The following HS6ST3 variants were observed in gnomAD, a reference collection of about 807,000 sequenced individuals.
HS6ST3 encodes heparan sulfate 6-O-sulfotransferase 3.
Under a neutral mutation model 36.7 loss-of-function variants are expected in HS6ST3, and 12 were observed. The ratio of observed to expected loss-of-function variants is 0.33; its 90% CI spans 0.21 to 0.53. The LOEUF (loss-of-function observed/expected upper bound fraction) is 0.53, where lower values mean the gene tolerates loss of function less well. HS6ST3 is among the 20% of genes least tolerant of loss of function. The probability of loss-of-function intolerance (pLI) is 0.95; values close to 1 mark genes in which losing one functional copy is unlikely to be tolerated. For missense variants in HS6ST3, 584 were observed against 640.9 expected, an observed-to-expected ratio of 0.91 and a Z score of 0.96; for synonymous variants, 240 against 257.5, an observed-to-expected ratio of 0.93 and a Z score of 0.65.
chr13:96,801,744 C>T (rs1254359190), intron 1 of HS6ST3, among the ~76,000 whole-genome samples: 1 of 151,998 alleles, frequency 6.6e-6, no homozygotes, highest in African/African-American at 2.4e-5. Context: ...CATAAACGTG[C>T]AATCTTATAT....
intron 1 of HS6ST3, among the ~76,000 whole-genome samples, chr13:96,326,642 G>A (rs531727445): frequency 6.6e-6 from 1 of 152,190 alleles, no homozygotes; most frequent in East Asian, 1.9e-4. Context: ...AAACATCCGT[G>A]TGCATGTGTC....
At chr13:96,287,337 A>G (rs2054808691) in intron 1 of HS6ST3, among the ~76,000 whole-genome samples, 1 of 152,160 alleles carries the variant, frequency 6.6e-6, no homozygotes, top group Admixed American at 6.6e-5. Flanking sequence ...AAAATCTTAT[A>G]TAATGCCTTA....
At chr13:96,366,081 A>G (rs900626117) in intron 1 of HS6ST3, among the ~76,000 whole-genome samples, 3 of 152,224 alleles carry the variant, frequency 2.0e-5, no homozygotes, top group Non-Finnish European at 2.9e-5. Flanking sequence ...GGAGGTGACT[A>G]AAGGATTAGA....
At chr13:96,512,860 C>G (rs185234229) in intron 1 of HS6ST3, among the ~76,000 whole-genome samples, 1 of 151,118 alleles carries the variant, frequency 6.6e-6, no homozygotes, top group African/African-American at 2.4e-5. Context: ...TCTCTCTTTT[C>G]TGATCTTTAA....
intron 1 of HS6ST3, among the ~76,000 whole-genome samples, chr13:96,653,833 A>C (rs1208100257): frequency 6.6e-6 from 1 of 152,198 alleles, no homozygotes; most frequent in Non-Finnish European, 1.5e-5. Context: ...CAACAGTGTA[A>C]AAGCGTTCTT....
chr13:96,711,471 T>C (rs550051966), intron 1 of HS6ST3, among the ~76,000 whole-genome samples: 1 of 152,332 alleles, frequency 6.6e-6, no homozygotes, highest in Admixed American at 6.5e-5. Flanking sequence ...TTGGGAAATA[T>C]ATAAATTTAC....
intron 1 of HS6ST3, among the ~76,000 whole-genome samples, chr13:96,757,601 C>T (rs565830661): frequency 4.6e-5 from 7 of 152,122 alleles, no homozygotes; most frequent in Admixed American, 1.3e-4. Context: ...ATGCTGGTAA[C>T]GGTAAGGTTT....
intron 1 of HS6ST3, among the ~76,000 whole-genome samples, chr13:96,721,518 A>C (rs1356739069): frequency 2.6e-5 from 4 of 152,202 alleles, no homozygotes; most frequent in Non-Finnish European, 5.9e-5. Flanking sequence ...GACTTTACTG[A>C]GCTAATGTCA....
chr13:96,741,026 A>G (rs548442075), intron 1 of HS6ST3, among the ~76,000 whole-genome samples: 5 of 152,312 alleles, frequency 3.3e-5, no homozygotes, highest in Non-Finnish European at 7.4e-5. Flanking sequence ...TTCCACTTCA[A>G]CTGAAATATA....
intron 1 of HS6ST3, among the ~76,000 whole-genome samples, chr13:96,165,862 G>A (rs2054157610): frequency 1.3e-5 from 2 of 152,066 alleles, no homozygotes; most frequent in South Asian, 4.1e-4. Context: ...ACTAAGTTAT[G>A]GCAGGGTACG....
At chr13:96,318,134 T>A (rs2139413258) in intron 1 of HS6ST3, among the ~76,000 whole-genome samples, 1 of 152,334 alleles carries the variant, frequency 6.6e-6, no homozygotes, top group Non-Finnish European at 1.5e-5. Context: ...AAGGCTGATG[T>A]TAAGAAGGGT....
chr13:96,782,905 G>A (rs1280096442), intron 1 of HS6ST3, among the ~76,000 whole-genome samples: 2 of 151,948 alleles, frequency 1.3e-5, no homozygotes, highest in African/African-American at 4.8e-5. Flanking sequence ...ATCATGGGAG[G>A]GAAAGAAAAT....
At chr13:96,096,374 G>A (rs540057340) in intron 1 of HS6ST3, among the ~76,000 whole-genome samples, 1 of 152,218 alleles carries the variant, frequency 6.6e-6, no homozygotes, top group African/African-American at 2.4e-5. Context: ...CTTGAGGAAT[G>A]TCTGGGTAAC....
chr13:96,752,730 C>G (rs1876730649), intron 1 of HS6ST3, among the ~76,000 whole-genome samples: 2 of 150,828 alleles, frequency 1.3e-5, no homozygotes, highest in Admixed American at 6.7e-5. Context: ...AAATATTTTC[C>G]CCTAGTTTGG....
At chr13:96,635,435 A>T (rs1206396865) in intron 1 of HS6ST3, among the ~76,000 whole-genome samples, 2 of 151,918 alleles carry the variant, frequency 1.3e-5, no homozygotes, top group Admixed American at 6.6e-5. Flanking sequence ...TCCTGCCTGG[A>T]ACCCACCCCC....
At chr13:96,222,192 T>G (rs958818805) in intron 1 of HS6ST3, among the ~76,000 whole-genome samples, 84 of 152,200 alleles carry the variant, frequency 5.5e-4, no homozygotes, top group African/African-American at 2.0e-3. Flanking sequence ...ATGACTTCCC[T>G]CTTGGACACT....
chr13:96,452,174 G>A (rs538277306), intron 1 of HS6ST3, among the ~76,000 whole-genome samples: 1 of 152,190 alleles, frequency 6.6e-6, no homozygotes, highest in South Asian at 2.1e-4. Context: ...ATTTTGTGGA[G>A]CATTAACTAA....
chr13:96,413,777 A>T (rs1024142146), intron 1 of HS6ST3, among the ~76,000 whole-genome samples: 5 of 152,248 alleles, frequency 3.3e-5, no homozygotes, highest in Admixed American at 6.5e-5. Context: ...TACAGACATC[A>T]TTAGTCTGGA....
intron 1 of HS6ST3, among the ~76,000 whole-genome samples, chr13:96,680,007 G>A (rs1356185339): frequency 1.3e-5 from 2 of 152,066 alleles, no homozygotes; most frequent in African/African-American, 4.8e-5. Flanking sequence ...AGGCAAAGGG[G>A]GGAAGTGGAA....
Sources: allele counts gnomAD v4.1 joint callset (sites outside exome capture counted in the v4.1 genomes callset), GRCh38; gene constraint gnomAD v4.1.1; transcripts MANE v1.5; gene names NCBI Gene and HGNC (gene_info 2026-07-23, HGNC 2026-07-21).